The following CIMAP1D variants were observed in gnomAD, a reference collection of about 807,000 sequenced individuals.
The protein encoded by CIMAP1D is CIMAP1 family member D, also known as protein CIMAP1D.
At chr19:467,789 G>T in the CIMAP1D span, 2 of 1,438,434 alleles carry the variant, frequency 1.4e-6, no homozygotes, top group Non-Finnish European at 1.9e-6. Flanking sequence ...AGAGTGCTGA[G>T]AGTGATTCTG....
chr19:482,652 C>T, the CIMAP1D span, among the ~76,000 whole-genome samples: 1 of 152,182 alleles, frequency 6.6e-6, no homozygotes, highest in African/African-American at 2.4e-5. Flanking sequence ...GCTCTGCTGC[C>T]AGCTCTGTGC....
the CIMAP1D span, among the ~76,000 whole-genome samples, chr19:481,474 G>GGAGAAGGATGAT: frequency 2.2e-5 from 1 of 44,606 alleles, no homozygotes; most frequent in Non-Finnish European, 5.3e-5. Flanking sequence ...GAAGGATGAT[G>GGAGAAGGATGAT]GGGAAGGATG....
chr19:480,388 G>A, the CIMAP1D span, among the ~76,000 whole-genome samples: 1 of 152,242 alleles, frequency 6.6e-6, no homozygotes, highest in Non-Finnish European at 1.5e-5. Flanking sequence ...AAACGTGGGC[G>A]GTGCCGGGAG....
the CIMAP1D span, among the ~76,000 whole-genome samples, chr19:471,120 T>C: frequency 6.6e-6 from 1 of 152,232 alleles, no homozygotes; most frequent in African/African-American, 2.4e-5. Flanking sequence ...ATTTTTTCTT[T>C]TTCTTAAATT....
chr19:467,227 T>G, the CIMAP1D span, among the ~76,000 whole-genome samples: 1 of 149,032 alleles, frequency 6.7e-6, no homozygotes, highest in Non-Finnish European at 1.5e-5. Context: ...GATGGACGGG[T>G]GGGTAGATGG....
At chr19:480,596 AGGT>A in the CIMAP1D span, among the ~76,000 whole-genome samples, 23 of 127,338 alleles carry the variant, frequency 1.8e-4, no homozygotes, top group African/African-American at 6.8e-4. Context: ...GAATGTGGGA[AGGT>A]GATGGGGAAG....
chr19:480,755 G>A, the CIMAP1D span, among the ~76,000 whole-genome samples: 2,502 of 148,496 alleles, frequency 0.017, 207 homozygotes, highest in South Asian at 0.16. Flanking sequence ...GAACGATGAT[G>A]GAGAACGATG....
the CIMAP1D span, among the ~76,000 whole-genome samples, chr19:488,900 C>T: frequency 8.5e-4 from 129 of 152,184 alleles, no homozygotes; most frequent in Middle Eastern, 0.01. Flanking sequence ...GCCGGGGCGC[C>T]CCGCAGTGGG....
the CIMAP1D span, chr19:464,295 G>T: frequency 6.5e-7 from 1 of 1,542,016 alleles, no homozygotes. Flanking sequence ...GAAAGCCGGC[G>T]GTGTCCGATG....
the CIMAP1D span, among the ~76,000 whole-genome samples, chr19:466,265 T>G: frequency 1.9e-4 from 9 of 48,272 alleles, no homozygotes; most frequent in Non-Finnish European, 2.5e-4. Context: ...GTTAGGTAGA[T>G]GGTGGATGGA....
At chr19:489,949 G>T in the CIMAP1D span, 2 of 398,142 alleles carry the variant, frequency 5.0e-6, no homozygotes. Flanking sequence ...CCTGCCCGGT[G>T]CTGAGAGAGG....
chr19:467,705 CG>C, the CIMAP1D span: 4 of 1,611,914 alleles, frequency 2.5e-6, no homozygotes, highest in East Asian at 6.7e-5. Flanking sequence ...GCGGCCAAAG[CG>C]TGTGACTTTG....
the CIMAP1D span, among the ~76,000 whole-genome samples, chr19:478,799 GCCTGGGTGT>G: frequency 6.6e-6 from 1 of 152,268 alleles, no homozygotes; most frequent in African/African-American, 2.4e-5. Flanking sequence ...TCACTGCCCG[GCCTGGGTGT>G]CCTGGGTGGG....
chr19:466,446 T>C, the CIMAP1D span, among the ~76,000 whole-genome samples: 2 of 140,910 alleles, frequency 1.4e-5, no homozygotes, highest in African/African-American at 5.4e-5. Flanking sequence ...GATAGATGGC[T>C]GGATGGGTGG....
chr19:485,136 G>A, the CIMAP1D span, among the ~76,000 whole-genome samples: 40 of 133,420 alleles, frequency 3.0e-4, no homozygotes, highest in Non-Finnish European at 5.0e-4. Flanking sequence ...TCAACCCAGC[G>A]GAGGACCCTG....
chr19:487,576 G>A, the CIMAP1D span, among the ~76,000 whole-genome samples: 2 of 151,574 alleles, frequency 1.3e-5, no homozygotes, highest in South Asian at 2.1e-4. Flanking sequence ...AGGCCGAGGC[G>A]GGAGGATTGC....
chr19:476,883 A>G, the CIMAP1D span, among the ~76,000 whole-genome samples: 1 of 152,328 alleles, frequency 6.6e-6, no homozygotes, highest in Non-Finnish European at 1.5e-5. Flanking sequence ...AGAAGTACTT[A>G]GAGGGAAAAT....
the CIMAP1D span, chr19:467,736 G>A: frequency 6.2e-7 from 1 of 1,607,844 alleles, no homozygotes; most frequent in Non-Finnish European, 8.5e-7. Context: ...AAGTAGATGG[G>A]GCCCGGGCTG....
the CIMAP1D span, among the ~76,000 whole-genome samples, chr19:469,284 C>T: frequency 8.6e-5 from 13 of 150,352 alleles, no homozygotes; most frequent in Admixed American, 4.6e-4. Flanking sequence ...TGCAGTGGCT[C>T]ATGGCTCACT....
Sources: allele counts gnomAD v4.1 joint callset (sites outside exome capture counted in the v4.1 genomes callset), GRCh38; gene constraint gnomAD v4.1.1; transcripts MANE v1.5; gene names NCBI Gene and HGNC (gene_info 2026-07-23, HGNC 2026-07-21).